The following GPC5 variants were observed in gnomAD, a reference collection of about 807,000 sequenced individuals.
The protein encoded by GPC5 is glypican 5, also known as glypican-5.
Under a neutral mutation model 53.9 loss-of-function variants are expected in GPC5, and 47 were observed. The observed-to-expected ratio is 0.87, with a 90% CI of 0.69 to 1.11. The LOEUF is 1.11. Ranked by LOEUF, GPC5 falls within the 50% of genes most tolerant of loss-of-function variation. The pLI is 0.00. For synonymous variants in GPC5, 286 were observed against 263.3 expected (o/e 1.09, Z -0.84); for missense variants, 748 against 713.1 (o/e 1.05, Z -0.56).
intron 7 of GPC5, among the ~76,000 whole-genome samples, chr13:92,808,953 T>A (rs1007853098): frequency 3.3e-5 from 5 of 152,110 alleles, no homozygotes; most frequent in African/African-American, 1.2e-4. Flanking sequence ...GACAAGATAC[T>A]AGGAGCTCAG....
At chr13:92,554,943 T>TA (rs1882442668) in intron 7 of GPC5, among the ~76,000 whole-genome samples, 1 of 150,418 alleles carries the variant, frequency 6.6e-6, no homozygotes, top group Non-Finnish European at 1.5e-5. Context: ...TTGAGTTTGT[T>TA]TTTTTTTTAT....
intron 2 of GPC5, among the ~76,000 whole-genome samples, chr13:91,680,243 G>A (rs146967534): frequency 1.9e-3 from 296 of 152,268 alleles, no homozygotes; most frequent in Non-Finnish European, 2.8e-3. Flanking sequence ...GAGGTCAGGC[G>A]TTCTAGACCA....
chr13:92,598,126 G>C (rs1373737776), intron 7 of GPC5, among the ~76,000 whole-genome samples: 1 of 152,134 alleles, frequency 6.6e-6, no homozygotes, highest in Non-Finnish European at 1.5e-5. Flanking sequence ...GACAAATTCT[G>C]ACAAGACCAT....
chr13:91,455,606 A>G (rs1193394119), intron 2 of GPC5, among the ~76,000 whole-genome samples: 2 of 152,190 alleles, frequency 1.3e-5, no homozygotes, highest in Admixed American at 6.6e-5. Context: ...AGGTACAGAT[A>G]TCACATTGGA....
Position 91,424,361 on chromosome 13 carries a change from C to CTT in GPC5, c.164-24381_164-24380dup, listed in dbSNP as rs781733611. On this transcript the variant is annotated intron_variant, in intron 1 of 7. Transcript: ENST00000377067. ...CGAAGACTGGCAGAATCCAGTACTG[C>CTT]TTTTTTTTTTTTTTTTTTTTGAGAT... Among the ~76,000 whole-genome samples, 316 of 113,430 alleles carry CTT rather than the reference C, an allele frequency of 2.8e-3. 13 individuals carry two copies. The South Asian group carries it at 0.052, about 19-fold the overall frequency. The allele number at this position is 113,430 out of a possible 152,430, so 74.4% of individuals were successfully genotyped here. A position where few individuals can be genotyped will look rare whatever the true frequency, so the allele number is the denominator to read the frequency against.
rs1031119080 is a variant in GPC5 at position 91,398,744 on chromosome 13, T to A, written c.-303T>A. 4 of 348,788 alleles carry A rather than the reference T, an allele frequency of 1.1e-5. No individual in the cohort carries two copies. In the East Asian group the frequency reaches 2.0e-4, roughly 17 times the overall value. 21.6% of individuals were successfully genotyped at this position (348,788 alleles called of 1,614,324 possible). ...CAGCAGTGGTGGCCAGAGCGGATGCTTGCGGGCTCCCTGCGGCTCCACTAG... is the reference window on the plus strand; with the variant it reads ...CAGCAGTGGTGGCCAGAGCGGATGCATGCGGGCTCCCTGCGGCTCCACTAG... On this transcript the variant is annotated 5_prime_UTR_variant, in exon 1 of 8. It adds an upstream start codon to the 5' untranslated region. Transcript: ENST00000377067.
intron 5 of GPC5, among the ~76,000 whole-genome samples, chr13:91,833,842 G>A (rs1013467650): frequency 6.6e-6 from 1 of 152,090 alleles, no homozygotes; most frequent in Non-Finnish European, 1.5e-5. Context: ...ACAAGATAAG[G>A]ATGTCCTCTC....
At chr13:92,305,614 C>T (rs2043105661) in intron 7 of GPC5, among the ~76,000 whole-genome samples, 1 of 152,140 alleles carries the variant, frequency 6.6e-6, no homozygotes, top group African/African-American at 2.4e-5. Flanking sequence ...CAAAGCAAAT[C>T]TATCATATTA....
chr13:91,674,456 C>G (rs2035325195), intron 2 of GPC5, among the ~76,000 whole-genome samples: 1 of 150,516 alleles, frequency 6.6e-6, no homozygotes, highest in Non-Finnish European at 1.5e-5. Flanking sequence ...CACATACACA[C>G]ACACACGCAC....
chr13:91,851,129 G>C (rs2038908238), intron 5 of GPC5, among the ~76,000 whole-genome samples: 1 of 152,064 alleles, frequency 6.6e-6, no homozygotes, highest in South Asian at 2.1e-4. Flanking sequence ...GCTGATACCT[G>C]GCAAGTAACA....
Position 92,545,738 on chromosome 13 carries a change from A to T in GPC5, c.1562-320544A>T, listed in dbSNP as rs568895939. Among the ~76,000 whole-genome samples the T allele has an allele frequency of 2.0e-5, 3 of 152,192 alleles. No homozygotes were observed. The East Asian group carries it at 5.8e-4, about 29-fold the overall frequency. On this transcript the variant is annotated intron_variant, in intron 7 of 7. Coordinates refer to ENST00000377067, the MANE Select transcript of GPC5 (RefSeq NM_004466.6). Reference sequence around the variant, plus strand: ...GTCTTCTTTTGAGAAGTGTCTGTTCATATCCTTTGCCCACTTTTTGATGGG... The same window carrying T: ...GTCTTCTTTTGAGAAGTGTCTGTTCTTATCCTTTGCCCACTTTTTGATGGG...
At chr13:92,108,232 T>G (rs112060853) in intron 6 of GPC5, among the ~76,000 whole-genome samples, 331 of 152,332 alleles carry the variant, frequency 2.2e-3, no homozygotes, top group African/African-American at 6.9e-3. Flanking sequence ...AATATTATAA[T>G]TTATTATGTC....
At position 92,206,416 on chromosome 13, in the gene GPC5, C is replaced by T. The variant is rs147516086; in HGVS notation, c.1561+61427C>T. On this transcript the variant is annotated intron_variant, in intron 7 of 7. Transcript: ENST00000377067. The stretch of plus-strand genomic sequence containing the variant: ...TCCTGACCTCGTGATCCACCCGCTT[C>T]GGCCTCCCAAAGTGCTGGGAGCTCG... Among the ~76,000 whole-genome samples the T allele has an allele frequency of 9.9e-3, 1,498 of 150,590 alleles. 25 individuals carry two copies. Among genetic ancestry groups the T allele is most frequent in the African/African-American group, 0.033 (1,374 of 41,196 alleles).
chr13:92,110,939 A>C (rs1348278202), intron 6 of GPC5, among the ~76,000 whole-genome samples: 2 of 152,188 alleles, frequency 1.3e-5, no homozygotes, highest in Non-Finnish European at 1.5e-5. Flanking sequence ...TTACACAATT[A>C]GTCAAAAACT....
chr13:92,345,474 C>T (rs1351031962), intron 7 of GPC5, among the ~76,000 whole-genome samples: 4 of 152,044 alleles, frequency 2.6e-5, no homozygotes, highest in African/African-American at 9.7e-5. Flanking sequence ...ACCAACTGCC[C>T]CAATCCCCCA....
At chr13:91,729,246 A>G (rs1425479642) in intron 4 of GPC5, among the ~76,000 whole-genome samples, 1 of 152,178 alleles carries the variant, frequency 6.6e-6, no homozygotes, top group African/African-American at 2.4e-5. Flanking sequence ...TCACATTTCT[A>G]CCACCGTGTC....
intron 6 of GPC5, among the ~76,000 whole-genome samples, chr13:92,026,015 A>G (rs560422656): frequency 1.3e-5 from 2 of 152,132 alleles, no homozygotes; most frequent in Non-Finnish European, 2.9e-5. Flanking sequence ...AATGATCTCT[A>G]ATTATAAACA....
At chr13:92,047,806 TAAA>T (rs35020183) in intron 6 of GPC5, among the ~76,000 whole-genome samples, 6 of 98,804 alleles carry the variant, frequency 6.1e-5, no homozygotes, top group African/African-American at 2.1e-4. Context: ...CTGTCTCTAC[TAAA>T]AAAAAAAAAA....
intron 7 of GPC5, among the ~76,000 whole-genome samples, chr13:92,680,596 C>T (rs1566360872): frequency 6.6e-6 from 1 of 152,086 alleles, no homozygotes; most frequent in East Asian, 1.9e-4. Flanking sequence ...AAGAAGAGAC[C>T]TCATTCTTTC....
Sources: allele counts gnomAD v4.1 joint callset (sites outside exome capture counted in the v4.1 genomes callset), GRCh38; gene constraint gnomAD v4.1.1; transcripts MANE v1.5; gene names NCBI Gene and HGNC (gene_info 2026-07-23, HGNC 2026-07-21).